Variants in NXPE2 observed in about 807,000 individuals in gnomAD.
NXPE2 encodes the protein NXPE family member 2.
In NXPE2, 34 loss-of-function variants were observed where a neutral mutation model predicts 34.4. That is an observed-to-expected ratio of 0.99 (90% CI 0.75 to 1.31). The LOEUF (loss-of-function observed/expected upper bound fraction) is 1.31, where lower values mean the gene tolerates loss of function less well. Among genes scored for constraint, NXPE2 ranks in the 40% most tolerant of loss-of-function variants. The pLI, the probability that NXPE2 is intolerant of heterozygous loss-of-function variation, is 0.00. For synonymous variants in NXPE2, 235 were observed against 231.3 expected, an observed-to-expected ratio of 1.02 and a Z score of -0.15; for missense variants, 649 against 672.5, an observed-to-expected ratio of 0.97 and a Z score of 0.39.
At chr11:114,672,226 A>G in the NXPE2 span, among the ~76,000 whole-genome samples, 51 of 152,084 alleles carry the variant, frequency 3.4e-4, no homozygotes, top group African/African-American at 1.2e-3. Flanking sequence ...GGGGACACAG[A>G]ACCAAACCAT....
the NXPE2 span, among the ~76,000 whole-genome samples, chr11:114,757,345 A>G: frequency 6.6e-6 from 1 of 150,744 alleles, no homozygotes; most frequent in Non-Finnish European, 1.5e-5. Context: ...GAGAGAGGGC[A>G]AGACATTCGT....
At chr11:114,628,942 G>A in the NXPE2 span, among the ~76,000 whole-genome samples, 23 of 152,042 alleles carry the variant, frequency 1.5e-4, no homozygotes, top group Admixed American at 1.1e-3. Context: ...TAAATTCCTC[G>A]ACACATACAC....
At chr11:114,513,195 G>A in the NXPE2 span, 1 of 546,174 alleles carries the variant, frequency 1.8e-6, no homozygotes, top group Non-Finnish European at 3.7e-6. Context: ...CTCACCTCCA[G>A]CAGGATGTCC....
At chr11:114,525,326 G>C in the NXPE2 span, among the ~76,000 whole-genome samples, 1 of 151,858 alleles carries the variant, frequency 6.6e-6, no homozygotes, top group Non-Finnish European at 1.5e-5. Flanking sequence ...GTCCCCCAAA[G>C]ATATCCACAT....
At chr11:114,611,161 A>T in the NXPE2 span, among the ~76,000 whole-genome samples, 1 of 151,648 alleles carries the variant, frequency 6.6e-6, no homozygotes, top group African/African-American at 2.4e-5. Context: ...GGAGGATAAT[A>T]AGGACTGTCT....
the NXPE2 span, among the ~76,000 whole-genome samples, chr11:114,652,757 T>G: frequency 6.6e-6 from 1 of 152,154 alleles, no homozygotes; most frequent in African/African-American, 2.4e-5. Flanking sequence ...AATGGCTCTG[T>G]GTTTTGAGAC....
chr11:114,702,542 A>G (rs1631536), intron 3 of NXPE2, among the ~76,000 whole-genome samples: 61,838 of 151,660 alleles, frequency 0.41, 13,038 homozygotes, highest in South Asian at 0.49. Context: ...CACCTACTAT[A>G]TGCCAACATT....
At chr11:114,663,674 CTATT>C in the NXPE2 span, among the ~76,000 whole-genome samples, 505 of 126,124 alleles carry the variant, frequency 4.0e-3, 4 homozygotes, top group African/African-American at 0.014. Flanking sequence ...TATCATCTAT[CTATT>C]TATCTATCTA....
chr11:114,745,949 G>C, the NXPE2 span, among the ~76,000 whole-genome samples: 7 of 151,972 alleles, frequency 4.6e-5, no homozygotes, highest in Non-Finnish European at 1.0e-4. Flanking sequence ...TAAAGGTTTA[G>C]TGATAAAATT....
the NXPE2 span, among the ~76,000 whole-genome samples, chr11:114,634,824 T>G: frequency 1.2e-3 from 190 of 152,176 alleles, 1 homozygote; most frequent in African/African-American, 4.3e-3. Flanking sequence ...TTGATGTATA[T>G]CTCTGTTTTG....
At chr11:114,779,124 TTAAAGTGGAACCTTTTCACAG>T in the NXPE2 span, among the ~76,000 whole-genome samples, 3 of 152,242 alleles carry the variant, frequency 2.0e-5, no homozygotes, top group Non-Finnish European at 4.4e-5. Context: ...CTCCCCCTAA[TTAAAGTGGAACCTTTTCACAG>T]GACACTTTGA....
At chr11:114,784,960 T>C in the NXPE2 span, among the ~76,000 whole-genome samples, 2 of 151,796 alleles carry the variant, frequency 1.3e-5, no homozygotes. Flanking sequence ...CTGCTGGAGG[T>C]ATAGATAAAA....
the NXPE2 span, among the ~76,000 whole-genome samples, chr11:114,765,924 C>T: frequency 6.6e-6 from 1 of 152,124 alleles, no homozygotes; most frequent in African/African-American, 2.4e-5. Context: ...CTATTTTAAC[C>T]TCACCATCAC....
the NXPE2 span, among the ~76,000 whole-genome samples, chr11:114,664,594 C>G: frequency 1.3e-5 from 2 of 152,278 alleles, no homozygotes; most frequent in Non-Finnish European, 2.9e-5. Flanking sequence ...CTTGAAAGTA[C>G]AGATTCCTTA....
the NXPE2 span, among the ~76,000 whole-genome samples, chr11:114,797,047 A>G: frequency 1.3e-5 from 2 of 152,190 alleles, no homozygotes; most frequent in Non-Finnish European, 2.9e-5. Flanking sequence ...CCACAATAAG[A>G]AAGTTGGCCT....
At chr11:114,790,094 A>G in the NXPE2 span, among the ~76,000 whole-genome samples, 1 of 152,160 alleles carries the variant, frequency 6.6e-6, no homozygotes, top group Non-Finnish European at 1.5e-5. Flanking sequence ...TCCCTGTGTC[A>G]AGATATCTTG....
chr11:114,765,049 C>T, the NXPE2 span, among the ~76,000 whole-genome samples: 1 of 152,200 alleles, frequency 6.6e-6, no homozygotes, highest in Non-Finnish European at 1.5e-5. Context: ...CCATCTTTTA[C>T]AACTTCAGCC....
the NXPE2 span, among the ~76,000 whole-genome samples, chr11:114,539,032 C>T: frequency 1.3e-5 from 2 of 152,122 alleles, no homozygotes; most frequent in Non-Finnish European, 2.9e-5. Context: ...TTGGAACCAA[C>T]CCAAATGTCC....
At chr11:114,788,784 C>T in the NXPE2 span, among the ~76,000 whole-genome samples, 13 of 152,300 alleles carry the variant, frequency 8.5e-5, no homozygotes, top group South Asian at 2.7e-3. Flanking sequence ...TCTTGTGTTT[C>T]CATAGTACAT....
Sources: allele counts gnomAD v4.1 joint callset (sites outside exome capture counted in the v4.1 genomes callset), GRCh38; gene constraint gnomAD v4.1.1; transcripts MANE v1.5; gene names NCBI Gene and HGNC (gene_info 2026-07-23, HGNC 2026-07-21).